HDAC9: variants seen among roughly 807,000 people sequenced by gnomAD.
The protein encoded by HDAC9 is histone deacetylase 9.
A neutral mutation model predicts 139.4 loss-of-function variants in HDAC9; 41 were observed. The ratio of observed to expected loss-of-function variants is 0.29; its 90% CI spans 0.23 to 0.38. The LOEUF (loss-of-function observed/expected upper bound fraction) is 0.38. Ranked by LOEUF, HDAC9 falls within the 10% of genes least tolerant of loss-of-function variation. The pLI, the probability that HDAC9 is intolerant of heterozygous loss-of-function variation, is 1.00. For synonymous variants in HDAC9, 517 were observed against 476.2 expected, an observed-to-expected ratio of 1.09 and a Z score of -1.12; for missense variants, 1,147 against 1,297.0, an observed-to-expected ratio of 0.88 and a Z score of 1.78.
intron 2 of HDAC9, among the ~76,000 whole-genome samples, chr7:18,527,221 T>A (rs1181968638): frequency 6.6e-6 from 1 of 152,118 alleles, no homozygotes; most frequent in Non-Finnish European, 1.5e-5. Context: ...TTCTTTTACC[T>A]TTTGAAATGC....
At chr7:18,728,402 AACACACACACACACACACACACAC>A (rs56281287) in intron 13 of HDAC9, among the ~76,000 whole-genome samples, 8 of 145,652 alleles carry the variant, frequency 5.5e-5, no homozygotes, top group African/African-American at 2.0e-4. Context: ...TTAAGTGTGG[AACACACACACACACACACACACAC>A]ACACACACAC....
At chr7:18,399,553 G>A (rs1386677840) in intron 1 of HDAC9, among the ~76,000 whole-genome samples, 1 of 152,078 alleles carries the variant, frequency 6.6e-6, no homozygotes, top group Admixed American at 6.6e-5. Context: ...CATAGTAATA[G>A]GCTAAATGAG....
At chr7:18,100,219 C>T (rs1782759148) in intron 1 of HDAC9, among the ~76,000 whole-genome samples, 1 of 151,874 alleles carries the variant, frequency 6.6e-6, no homozygotes, top group African/African-American at 2.4e-5. Context: ...GATATCAAGT[C>T]CTATAACGTA....
chr7:18,193,998 G>A (rs1013800067), intron 2 of HDAC9, among the ~76,000 whole-genome samples: 1 of 152,126 alleles, frequency 6.6e-6, no homozygotes, highest in Non-Finnish European at 1.5e-5. Flanking sequence ...CAGCATCAGG[G>A]AATAGTCCCA....
chr7:18,146,135 T>A (rs1005552123), intron 1 of HDAC9, among the ~76,000 whole-genome samples: 1 of 152,120 alleles, frequency 6.6e-6, no homozygotes, highest in Non-Finnish European at 1.5e-5. Context: ...TCCAGAATGC[T>A]GAATGCTGTC....
At chr7:18,799,040 G>C (rs2588628) in intron 17 of HDAC9, among the ~76,000 whole-genome samples, 1,026 of 47,478 alleles carry the variant, frequency 0.022, 104 homozygotes, top group African/African-American at 0.077. Context: ...TGTGCCCTAA[G>C]ACACACACAC....
chr7:18,136,902 C>A (rs1268097036), intron 1 of HDAC9, among the ~76,000 whole-genome samples: 2 of 151,664 alleles, frequency 1.3e-5, no homozygotes, highest in Non-Finnish European at 2.9e-5. Context: ...GGCAGTATGG[C>A]CATTTTCACG....
chr7:18,647,541 TA>T (rs2084458296), intron 9 of HDAC9, among the ~76,000 whole-genome samples: 1 of 152,194 alleles, frequency 6.6e-6, no homozygotes, highest in Non-Finnish European at 1.5e-5. Context: ...ATTTTAATTA[TA>T]AAACCTTTTT....
At chr7:18,210,629 A>G (rs1018457102) in intron 2 of HDAC9, among the ~76,000 whole-genome samples, 2 of 152,214 alleles carry the variant, frequency 1.3e-5, no homozygotes, top group Admixed American at 6.5e-5. Flanking sequence ...GTTTTTAGGC[A>G]CTTGCTATAT....
chr7:18,475,561 C>T (rs1238165661), intron 1 of HDAC9, among the ~76,000 whole-genome samples: 2 of 152,218 alleles, frequency 1.3e-5, no homozygotes, highest in African/African-American at 2.4e-5. Flanking sequence ...ACTTTGTCAA[C>T]ATGGAGATGC....
intron 14 of HDAC9, among the ~76,000 whole-genome samples, chr7:18,758,297 G>T (rs554198594): frequency 2.0e-5 from 3 of 152,088 alleles, no homozygotes; most frequent in Non-Finnish European, 4.4e-5. Context: ...ATAACTTTAC[G>T]TAGATATCCT....
At chr7:18,937,219 T>C (rs1309659339) in intron 23 of HDAC9, among the ~76,000 whole-genome samples, 1 of 151,956 alleles carries the variant, frequency 6.6e-6, no homozygotes, top group Non-Finnish European at 1.5e-5. Flanking sequence ...TTTGTATTTT[T>C]AGTAGAGACG....
chr7:18,599,664 C>G (rs1833422198), intron 6 of HDAC9, among the ~76,000 whole-genome samples: 2 of 151,812 alleles, frequency 1.3e-5, no homozygotes, highest in Middle Eastern at 3.4e-3. Context: ...CATTGTATGG[C>G]TGAACCACTG....
chr7:18,907,778 G>A (rs1563045735), intron 22 of HDAC9, among the ~76,000 whole-genome samples: 1 of 152,148 alleles, frequency 6.6e-6, no homozygotes, highest in Non-Finnish European at 1.5e-5. Context: ...TTTTGTTAGG[G>A]TAGTGACATC....
chr7:18,931,322 G>A, intron 22 of HDAC9, among the ~76,000 whole-genome samples: 1 of 152,032 alleles, frequency 6.6e-6, no homozygotes, highest in Non-Finnish European at 1.5e-5. Context: ...GTTTAGTGTG[G>A]ACAGCCTCAT....
chr7:18,954,383 G>A, intron 24 of HDAC9, 153 bp downstream of exon 24: 2 of 618,824 alleles, frequency 3.2e-6, no homozygotes. Flanking sequence ...TCTTAATGCA[G>A]CAATCTTATC....
intron 25 of HDAC9, among the ~76,000 whole-genome samples, chr7:18,995,313 A>ATTCTT (rs1786375016): frequency 1.3e-5 from 2 of 152,214 alleles, no homozygotes; most frequent in South Asian, 4.1e-4. Flanking sequence ...CCTACAATTT[A>ATTCTT]TTCTTTTGAG....
At chr7:18,526,603 T>C (rs1301355712) in intron 2 of HDAC9, among the ~76,000 whole-genome samples, 1 of 152,172 alleles carries the variant, frequency 6.6e-6, no homozygotes. Context: ...TAAAGTTGCC[T>C]TTGGCTGCAT....
chr7:18,334,535 G>A (rs1017613519), intron 1 of HDAC9, among the ~76,000 whole-genome samples: 2 of 151,426 alleles, frequency 1.3e-5, no homozygotes, highest in Admixed American at 6.6e-5. Flanking sequence ...ATCAGGGCAT[G>A]TTTTATATTA....
Sources: allele counts gnomAD v4.1 joint callset (sites outside exome capture counted in the v4.1 genomes callset), GRCh38; gene constraint gnomAD v4.1.1; transcripts MANE v1.5; gene names NCBI Gene and HGNC (gene_info 2026-07-23, HGNC 2026-07-21).